Variants in SKA1 observed in about 807,000 individuals in gnomAD.
The protein encoded by SKA1 is spindle and kinetochore associated complex subunit 1.
Under a neutral mutation model 31.8 loss-of-function variants are expected in SKA1, and 20 were observed. The ratio of observed to expected loss-of-function variants is 0.63; its 90% confidence interval spans 0.44 to 0.91. The LOEUF is 0.91. Ranked by LOEUF, SKA1 falls within the 40% of genes least tolerant of loss-of-function variation. The pLI, the probability that SKA1 is intolerant of heterozygous loss-of-function variation, is 0.00. For synonymous variants in SKA1, 88 were observed against 100.5 expected, an observed-to-expected ratio of 0.88 and a Z score of 0.74; for missense variants, 253 against 298.2, an observed-to-expected ratio of 0.85 and a Z score of 1.12.
In SKA1 at chr18:50,393,009, GT is replaced by G. The variant is rs1193967944; in HGVS notation, c.*763del. On this transcript the variant is annotated 3_prime_UTR_variant, in exon 7 of 7. Transcript: ENST00000285116. ...CTCCCAAAGTGCTGGGATTACAGGC[GT>G]GAGCCACCGCGCCCGGCCAACTTAT... 3.3e-5 allele frequency: 5 copies of G among 152,296 alleles called. No homozygotes were observed. Among genetic ancestry groups the G allele is most frequent in the African/African-American group, 1.2e-4 (5 of 41,422 alleles). 9.4% of individuals were successfully genotyped at this position (152,296 alleles called of 1,614,324 possible). A position where few individuals can be genotyped will look rare whatever the true frequency, so the allele number is the denominator to read the frequency against.
rs1435830976 is a variant in SKA1 at position 50,392,236 on chromosome 18, GT to G, written c.759del (p.Ile254Ter). Reference sequence around the variant, plus strand: ...CCGAGGGGGAGGACTTACTCGTTATGTTATAACCTGAGTCCCTTGTGAACTT... The same window carrying G: ...CCGAGGGGGAGGACTTACTCGTTATGTATAACCTGAGTCCCTTGTGAACTT... ...EVRGGGLTRY[V>X]IT On this transcript the variant is annotated frameshift_variant, in exon 7 of 7. Transcript: ENST00000285116. LOFTEE classifies it high-confidence loss of function. 6.3e-7 allele frequency: 1 copy of G among 1,577,512 alleles called. No homozygotes were observed. Among genetic ancestry groups the G allele is most frequent in the Non-Finnish European group, 8.6e-7 (1 of 1,166,978 alleles).
chr18:50,384,871 TAAAAAAAAAAAAAAAAAAAGG>T (rs1191135956), intron 4 of SKA1, among the ~76,000 whole-genome samples: 5 of 82,600 alleles, frequency 6.1e-5, no homozygotes, highest in Non-Finnish European at 1.1e-4. Context: ...AAAAAAAAAT[TAAAAAAAAAAAAAAAAAAAGG>T]AAAAAAAAAA....
Position 50,375,858 on chromosome 18 carries a change from T to A in SKA1, c.28T>A (p.Cys10Ser). MASSDLEQLCSHVNEKIGNI... is the reference protein window; with the variant it reads MASSDLEQLSSHVNEKIGNI... ...GGCCTCGTCAGATCTGGAACAATTATGCTCTCATGTTAATGAAAAGATTGG... is the reference window on the plus strand; with the variant it reads ...GGCCTCGTCAGATCTGGAACAATTAAGCTCTCATGTTAATGAAAAGATTGG... Residue 10 changes from cysteine (C) to serine (S), a missense_variant, in exon 2 of 7, where the codon TGC becomes AGC. By Grantham distance (112) the Cys-to-Ser change is moderately radical. Transcript: ENST00000285116. 6.2e-7 allele frequency: 1 copy of A among 1,611,628 alleles called. No homozygotes were observed. The highest frequency in any genetic ancestry group is 1.3e-5 in the African/African-American group (1 of 74,954).
At chr18:50,391,976 C>G (rs1182013231) in intron 6 of SKA1, 123 bp from the exon 7 acceptor site, 2 of 650,472 alleles carry the variant, frequency 3.1e-6, no homozygotes, top group Admixed American at 6.5e-5. Context: ...AATACTAGTT[C>G]TTGGTTTTAT....
intron 2 of SKA1, among the ~76,000 whole-genome samples, chr18:50,377,590 G>T (rs1048375150): frequency 1.3e-5 from 2 of 152,180 alleles, no homozygotes; most frequent in African/African-American, 4.8e-5. Flanking sequence ...AAAGTTCAGA[G>T]AAACAGATGA....
intron 5 of SKA1, among the ~76,000 whole-genome samples, chr18:50,385,692 C>T (rs1164642619): frequency 2.0e-5 from 3 of 152,154 alleles, no homozygotes; most frequent in Non-Finnish European, 2.9e-5. Flanking sequence ...TGAGAATGGA[C>T]AGTGTTGTGT....
At chr18:50,385,487 T>A in intron 5 of SKA1, 134 bp downstream of exon 5, 2 of 822,188 alleles carry the variant, frequency 2.4e-6, no homozygotes, top group Non-Finnish European at 3.5e-6. Flanking sequence ...CACATTATAC[T>A]ATGAAAATGC....
chr18:50,375,829 G>A lies in SKA1; in HGVS notation c.-2G>A, dbSNP rs754918650. On this transcript the variant is annotated 5_prime_UTR_variant, in exon 2 of 7. Coordinates refer to ENST00000285116, the MANE Select transcript of SKA1 (RefSeq NM_145060.4). The stretch of plus-strand genomic sequence containing the variant: ...ATGTTTTTTTCTTCAGAGGCTTAAA[G>A]GATGGCCTCGTCAGATCTGGAACAA... The A allele has an allele frequency of 1.0e-5, 16 of 1,595,052 alleles. No homozygotes were observed. Among genetic ancestry groups the A allele is most frequent in the Non-Finnish European group, 1.4e-5 (16 of 1,171,476 alleles).
At chr18:50,389,168 C>T (rs896202193) in intron 5 of SKA1, among the ~76,000 whole-genome samples, 6 of 152,030 alleles carry the variant, frequency 3.9e-5, no homozygotes, top group African/African-American at 1.2e-4. Flanking sequence ...TGCTACATAC[C>T]AGTTTTTACT....
rs1568328805 is a variant in SKA1 at position 50,381,722 on chromosome 18, G to GTTTTTT, written c.214-407_214-406insTTTTTT. ...GCATTTTCGGTACTCCAGTCAATGT[G>GTTTTTT]GTTTTTTTTTTTTTTTTTTTTTGAG... is the stretch of plus-strand genomic sequence containing the variant. On this transcript the variant is annotated intron_variant, in intron 3 of 6. Coordinates refer to ENST00000285116, the MANE Select transcript of SKA1 (RefSeq NM_145060.4). 7.9e-5 allele frequency among the ~76,000 whole-genome samples: 10 copies of GTTTTTT among 125,884 alleles called. 5 individuals are homozygous for GTTTTTT. Among genetic ancestry groups the GTTTTTT allele is most frequent in the Non-Finnish European group, 9.7e-5 (6 of 61,732 alleles). The allele number at this position is 125,884 out of a possible 152,430, so 82.6% of individuals were successfully genotyped here.
chr18:50,387,926 A>C (rs2041323944), intron 5 of SKA1, among the ~76,000 whole-genome samples: 1 of 152,222 alleles, frequency 6.6e-6, no homozygotes, highest in Non-Finnish European at 1.5e-5. Flanking sequence ...TTTTGTTAAA[A>C]GCTGGACAAG....
chr18:50,392,017 A>C, intron 6 of SKA1, 82 bp from the exon 7 acceptor site: 1 of 1,050,274 alleles, frequency 9.5e-7, no homozygotes, highest in Non-Finnish European at 1.3e-6. Flanking sequence ...GACTAATACC[A>C]TTCATATTCA....
intron 4 of SKA1, among the ~76,000 whole-genome samples, chr18:50,382,930 G>A (rs1171041295): frequency 6.6e-6 from 1 of 152,142 alleles, no homozygotes; most frequent in African/African-American, 2.4e-5. Flanking sequence ...GCTACTCAGG[G>A]AGCTGAGGCG....
At chr18:50,384,102 G>A (rs1031904591) in intron 4 of SKA1, among the ~76,000 whole-genome samples, 1 of 152,078 alleles carries the variant, frequency 6.6e-6, no homozygotes, top group African/African-American at 2.4e-5. Context: ...TTTATATTAT[G>A]TTACATTTCT....
rs2041381805 is a variant in SKA1 at position 50,394,132 on chromosome 18, C to G, written c.*1885C>G. ...TCATGTGGCTGTTGTTCATCTGTAT[C>G]CTTTGTAGTAGCCTTAAAATAAACT... On this transcript the variant is annotated 3_prime_UTR_variant, in exon 7 of 7. Transcript: ENST00000285116. 6.6e-6 allele frequency: 1 copy of G among 152,212 alleles called. No individual in the cohort carries two copies. 9.4% of individuals were successfully genotyped at this position (152,212 alleles called of 1,614,324 possible).
chr18:50,375,899 C>G lies in SKA1; in HGVS notation c.69C>G (p.Thr23=). The G allele has an allele frequency of 1.2e-6, 2 of 1,603,958 alleles. No individual in the cohort carries two copies. Among genetic ancestry groups the G allele is most frequent in the Non-Finnish European group, 1.7e-6 (2 of 1,173,574 alleles). ...AAAAGATTGGCAATATTAAGAAAACCTTATCATTAAGAAACTGTGGTAAGT... is the reference window on the plus strand; with the variant it reads ...AAAAGATTGGCAATATTAAGAAAACGTTATCATTAAGAAACTGTGGTAAGT... ...VNEKIGNIKK[T]LSLRNCGQEP... The change falls in exon 2 of 7, where the codon ACC becomes ACG. Residue 23 remains threonine, a synonymous_variant. Transcript: ENST00000285116.
chr18:50,386,357 C>G (rs2041307565), intron 5 of SKA1, among the ~76,000 whole-genome samples: 1 of 152,146 alleles, frequency 6.6e-6, no homozygotes, highest in Non-Finnish European at 1.5e-5. Context: ...GATTATTTTG[C>G]TTCTAGAGAG....
chr18:50,392,186 G>C lies in SKA1; in HGVS notation c.707G>C (p.Arg236Pro). The change falls in exon 7 of 7, where the codon CGA (arginine) becomes CCA (proline). Residue 236 changes from arginine to proline, a missense_variant. Physicochemically the swap from Arg to Pro is moderately radical, Grantham distance 103. Transcript: ENST00000285116. The stretch of plus-strand genomic sequence containing the variant: ...TTTCACGTGTTACTGAATATTTTAC[G>C]ACACTGCCGGAGGCTATCAGAGGTC... ...KKFHVLLNIL[R>P]HCRRLSEVRG... 6.2e-7 allele frequency: 1 copy of C among 1,610,146 alleles called. No individual in the cohort carries two copies.
intron 2 of SKA1, among the ~76,000 whole-genome samples, chr18:50,378,451 C>T (rs57800735): frequency 0.013 from 2,001 of 152,198 alleles, 46 homozygotes; most frequent in African/African-American, 0.046. Context: ...CCAAGGCAGG[C>T]GGATCGCTTG....
Sources: gnomAD v4.1 joint callset for allele counts (sites outside exome capture counted in the v4.1 genomes callset) on GRCh38, gnomAD v4.1.1 for gene constraint, MANE v1.5 for transcripts, NCBI Gene and HGNC (gene_info 2026-07-23, HGNC 2026-07-21) for gene names.